MBD5: variants seen among roughly 807,000 people sequenced by gnomAD.
MBD5 encodes the protein methyl-CpG binding domain protein 5.
MBD5 carries 13 observed loss-of-function variants against 117.3 expected under a neutral mutation model. The observed-to-expected ratio is 0.11, with a 90% CI of 0.07 to 0.18. MBD5 has a LOEUF of 0.18. Ranked by LOEUF, MBD5 falls within the 10% of genes least tolerant of loss-of-function variation. The pLI, the probability that MBD5 is intolerant of heterozygous loss-of-function variation, is 1.00. For missense variants in MBD5, 1,879 were observed against 2,093.8 expected, an observed-to-expected ratio of 0.90 and a Z score of 2.00; for synonymous variants, 727 against 766.4, an observed-to-expected ratio of 0.95 and a Z score of 0.85.
At chr2:148,408,378 T>C (rs1705145930) in intron 4 of MBD5, among the ~76,000 whole-genome samples, 1 of 152,214 alleles carries the variant, frequency 6.6e-6, no homozygotes, top group Admixed American at 6.5e-5. Flanking sequence ...CCTTGCTGAG[T>C]ATTTTTGAAA....
At chr2:148,132,950 T>C (rs1697085785) in intron 1 of MBD5, among the ~76,000 whole-genome samples, 1 of 152,188 alleles carries the variant, frequency 6.6e-6, no homozygotes, top group South Asian at 2.1e-4. Flanking sequence ...TGAAACCTTA[T>C]CTTAAGGCTG....
chr2:148,340,699 A>G (rs977036667), intron 3 of MBD5, among the ~76,000 whole-genome samples: 10 of 152,072 alleles, frequency 6.6e-5, no homozygotes, highest in Non-Finnish European at 1.0e-4. Context: ...CCAGGTGGCA[A>G]TAATATATAC....
At chr2:148,174,585 G>A (rs372558165) in intron 1 of MBD5, among the ~76,000 whole-genome samples, 6 of 150,990 alleles carry the variant, frequency 4.0e-5, no homozygotes, top group East Asian at 3.9e-4. Context: ...ATAAGAAGCC[G>A]AAACACCTGA....
chr2:148,172,824 CG>C (rs1173232401), intron 1 of MBD5, among the ~76,000 whole-genome samples: 4 of 152,098 alleles, frequency 2.6e-5, no homozygotes, highest in Non-Finnish European at 5.9e-5. Context: ...CTACCAGGTG[CG>C]GGAAGGAGCT....
chr2:148,246,508 T>C (rs1157405110), intron 3 of MBD5, among the ~76,000 whole-genome samples: 1 of 152,160 alleles, frequency 6.6e-6, no homozygotes, highest in Non-Finnish European at 1.5e-5. Flanking sequence ...CGGTGGCTCA[T>C]GCCTGTAATC....
At chr2:148,410,082 G>GAT in intron 4 of MBD5, among the ~76,000 whole-genome samples, 1 of 152,094 alleles carries the variant, frequency 6.6e-6, no homozygotes, top group African/African-American at 2.4e-5. Context: ...TCTTCCAAAG[G>GAT]ATATGCACAT....
chr2:148,436,155 G>T (rs1217730590), intron 4 of MBD5, among the ~76,000 whole-genome samples: 2 of 152,128 alleles, frequency 1.3e-5, no homozygotes, highest in Admixed American at 6.5e-5. Flanking sequence ...GCTTATCTGT[G>T]TAGGAATTCT....
At chr2:148,253,988 C>G (rs1056305904) in intron 3 of MBD5, among the ~76,000 whole-genome samples, 1 of 152,178 alleles carries the variant, frequency 6.6e-6, no homozygotes, top group East Asian at 1.9e-4. Flanking sequence ...CCTTACTTTC[C>G]ACGCTCTAGG....
At chr2:148,138,540 G>A (rs1359253543) in intron 1 of MBD5, among the ~76,000 whole-genome samples, 2 of 152,158 alleles carry the variant, frequency 1.3e-5, no homozygotes, top group South Asian at 2.1e-4. Flanking sequence ...TGTCACCTCG[G>A]GAAAGATAAT....
chr2:148,037,537 G>T (rs1694228316), intron 1 of MBD5, among the ~76,000 whole-genome samples: 1 of 151,884 alleles, frequency 6.6e-6, no homozygotes, highest in Non-Finnish European at 1.5e-5. Context: ...GACAGTTAGA[G>T]ACATCTTAAA....
chr2:148,327,397 G>T (rs1236015621), intron 3 of MBD5, among the ~76,000 whole-genome samples: 1 of 152,118 alleles, frequency 6.6e-6, no homozygotes, highest in Non-Finnish European at 1.5e-5. Flanking sequence ...TTGCTAGATT[G>T]GGGAAGTTCT....
chr2:148,065,868 A>G (rs193057016), intron 1 of MBD5, among the ~76,000 whole-genome samples: 1 of 152,378 alleles, frequency 6.6e-6, no homozygotes, highest in East Asian at 1.9e-4. Flanking sequence ...AGATGAACTC[A>G]GCATTTAGTT....
chr2:148,465,790 T>G (rs1284338342), intron 7 of MBD5, among the ~76,000 whole-genome samples: 1 of 152,108 alleles, frequency 6.6e-6, no homozygotes, highest in African/African-American at 2.4e-5. Flanking sequence ...ACACTTAGAA[T>G]TCATGTGAAG....
intron 4 of MBD5, among the ~76,000 whole-genome samples, chr2:148,427,593 A>G (rs1159414930): frequency 6.6e-6 from 1 of 152,076 alleles, no homozygotes. Context: ...GAACAATGAA[A>G]ACACATGGAC....
At position 148,469,770 on chromosome 2, in the gene MBD5, C is replaced by T. The variant is rs761655364; in HGVS notation, c.1827C>T (p.Ala609=). The T allele has an allele frequency of 8.7e-6, 14 of 1,613,792 alleles. No homozygotes were observed. Among genetic ancestry groups the T allele is most frequent in the African/African-American group, 4.0e-5 (3 of 74,882 alleles). ...GCAGTAGCAATTCTGGAGCTGTTGC[C>T]GGCAGTGGCAACACTGAAGGACATA... ...SSSSSNSGAV[A]GSGNTEGHST... The change falls in exon 8 of 14, where the codon GCC becomes GCT. Residue 609 remains alanine (A), a synonymous_variant. Transcript: ENST00000642680.
chr2:148,350,087 A>G (rs1399772363), intron 4 of MBD5, among the ~76,000 whole-genome samples: 2 of 151,894 alleles, frequency 1.3e-5, no homozygotes, highest in Admixed American at 6.6e-5. Flanking sequence ...CAATGCCCCC[A>G]TAACCTAAGG....
chr2:148,385,206 C>A (rs1016623821), intron 4 of MBD5, among the ~76,000 whole-genome samples: 2 of 152,100 alleles, frequency 1.3e-5, no homozygotes, highest in African/African-American at 4.8e-5. Context: ...ATTTTGGCAA[C>A]GTACTCATCT....
intron 2 of MBD5, among the ~76,000 whole-genome samples, chr2:148,230,546 G>T (rs1216248531): frequency 6.6e-6 from 1 of 152,108 alleles, no homozygotes; most frequent in African/African-American, 2.4e-5. Context: ...GACCCCTGTG[G>T]CTCAGCTGGT....
At chr2:148,103,069 T>C (rs1373724831) in intron 1 of MBD5, among the ~76,000 whole-genome samples, 1 of 152,174 alleles carries the variant, frequency 6.6e-6, no homozygotes, top group African/African-American at 2.4e-5. Flanking sequence ...ATATAACTTA[T>C]TCTGTAAGAA....
Sources: gnomAD v4.1 joint callset for allele counts (sites outside exome capture counted in the v4.1 genomes callset) on GRCh38, gnomAD v4.1.1 for gene constraint, MANE v1.5 for transcripts, NCBI Gene and HGNC (gene_info 2026-07-23, HGNC 2026-07-21) for gene names.